GNB1: variants seen among roughly 807,000 people sequenced by gnomAD.
GNB1 encodes G protein subunit beta 1, also known as guanine nucleotide-binding protein G(I)/G(S)/G(T) subunit beta-1.
In GNB1, 2 loss-of-function variants were observed where a neutral mutation model predicts 42.9. The observed-to-expected ratio is 0.05, with a 90% CI of 0.02 to 0.15. The LOEUF (loss-of-function observed/expected upper bound fraction) is 0.15. GNB1 is among the 10% of genes least tolerant of loss of function. The pLI, the probability that GNB1 is intolerant of heterozygous loss-of-function variation, is 1.00. For missense variants in GNB1, 193 were observed against 462.2 expected, an observed-to-expected ratio of 0.42 and a Z score of 5.34; for synonymous variants, 183 against 174.7, an observed-to-expected ratio of 1.05 and a Z score of -0.38.
chr1:1,829,409 TGATCAGTAC>T (rs1394264822), intron 2 of GNB1, among the ~76,000 whole-genome samples: 1 of 152,218 alleles, frequency 6.6e-6, no homozygotes, highest in Non-Finnish European at 1.5e-5. Context: ...ATAAACTCAA[TGATCAGTAC>T]CATCTTTTTG....
At chr1:1,856,101 C>A (rs1358846253) in intron 1 of GNB1, among the ~76,000 whole-genome samples, 2 of 152,236 alleles carry the variant, frequency 1.3e-5, no homozygotes, top group Non-Finnish European at 1.5e-5. Context: ...TAGCTCACTG[C>A]AGCCTCAAAT....
intron 1 of GNB1, among the ~76,000 whole-genome samples, chr1:1,851,506 G>A (rs1647982566): frequency 1.3e-5 from 2 of 151,024 alleles, no homozygotes; most frequent in South Asian, 4.2e-4. Context: ...GCTTGAACCT[G>A]GGATACCACT....
chr1:1,848,804 G>A (rs1156767272), intron 1 of GNB1, among the ~76,000 whole-genome samples: 1 of 152,186 alleles, frequency 6.6e-6, no homozygotes, highest in African/African-American at 2.4e-5. Context: ...TAAGGGTCAC[G>A]ATATTCCTTC....
chr1:1,826,610 G>A (rs904788054), intron 2 of GNB1, among the ~76,000 whole-genome samples: 15 of 152,068 alleles, frequency 9.9e-5, no homozygotes, highest in African/African-American at 3.6e-4. Context: ...CACACAGGGT[G>A]TGTCCAGCAG....
chr1:1,835,932 A>AG (rs1647142440), intron 2 of GNB1, among the ~76,000 whole-genome samples: 1 of 149,266 alleles, frequency 6.7e-6, no homozygotes, highest in South Asian at 2.1e-4. Flanking sequence ...GAAAAAAAAA[A>AG]AAAAAAAAAA....
At chr1:1,820,353 G>GT (rs1553196837) in intron 3 of GNB1, among the ~76,000 whole-genome samples, 5 of 82,106 alleles carry the variant, frequency 6.1e-5, no homozygotes, top group East Asian at 3.3e-4. Context: ...GCGAGACTCT[G>GT]TTTAAAAAAA....
chr1:1,831,972 G>T (rs191888214), intron 2 of GNB1, among the ~76,000 whole-genome samples: 1 of 148,698 alleles, frequency 6.7e-6, no homozygotes, highest in African/African-American at 2.5e-5. Flanking sequence ...TGAAGTGGGA[G>T]AATCCACTTG....
chr1:1,863,401 A>G lies in GNB1; in HGVS notation c.-95-24163T>C, dbSNP rs1276423398. On this transcript the variant is annotated intron_variant, in intron 1 of 11. Transcript: ENST00000378609. ...CCTCATCTCCCACAGAAACCTGACC[A>G]ATTCAGAAAAGCACTGCCGTCCCTT... Among the ~76,000 whole-genome samples, 3 of 152,218 alleles carry G rather than the reference A, an allele frequency of 2.0e-5. No individual in the cohort carries two copies. In the East Asian group the frequency reaches 5.8e-4, roughly 29 times the overall value.
intron 1 of GNB1, among the ~76,000 whole-genome samples, chr1:1,881,428 C>CT (rs70937201): frequency 0.39 from 58,590 of 149,310 alleles, 14,082 homozygotes; most frequent in Admixed American, 0.54. Context: ...TCATTTTTTT[C>CT]TTTTTTTTTG....
intron 1 of GNB1, among the ~76,000 whole-genome samples, chr1:1,847,824 T>TA (rs531768751): frequency 1.3e-4 from 20 of 152,198 alleles, no homozygotes; most frequent in African/African-American, 4.8e-4. Context: ...ATGTGGATCT[T>TA]AGAGAAATTC....
intron 2 of GNB1, among the ~76,000 whole-genome samples, chr1:1,827,370 T>C (rs1647013603): frequency 6.6e-6 from 1 of 152,186 alleles, no homozygotes; most frequent in Non-Finnish European, 1.5e-5. Flanking sequence ...TCAGAAAGAT[T>C]TCTGACCAAA....
At chr1:1,808,908 T>G (rs1248946785) in intron 5 of GNB1, among the ~76,000 whole-genome samples, 2 of 152,156 alleles carry the variant, frequency 1.3e-5, no homozygotes, top group East Asian at 3.9e-4. Context: ...CCTCCCAAAG[T>G]GTTGGGATTA....
At chr1:1,833,790 C>T (rs1235685802) in intron 2 of GNB1, among the ~76,000 whole-genome samples, 5 of 152,144 alleles carry the variant, frequency 3.3e-5, no homozygotes, top group Admixed American at 2.0e-4. Context: ...CACAACTGTT[C>T]TTGTTTGAGG....
chr1:1,855,768 G>T (rs530411789), intron 1 of GNB1, among the ~76,000 whole-genome samples: 1 of 152,328 alleles, frequency 6.6e-6, no homozygotes, highest in Admixed American at 6.5e-5. Flanking sequence ...TTCCAGTGAG[G>T]AAAGTACATC....
At chr1:1,819,481 A>G (rs1304520867) in intron 3 of GNB1, among the ~76,000 whole-genome samples, 4 of 151,830 alleles carry the variant, frequency 2.6e-5, no homozygotes, top group African/African-American at 7.3e-5. Flanking sequence ...TCAGCCTCCC[A>G]AAGTGCTGGG....
chr1:1,867,991 C>G (rs933613613), intron 1 of GNB1, among the ~76,000 whole-genome samples: 5 of 152,136 alleles, frequency 3.3e-5, no homozygotes, highest in African/African-American at 1.2e-4. Context: ...AACGTTCCCC[C>G]TTTTCTTTCT....
intron 1 of GNB1, among the ~76,000 whole-genome samples, chr1:1,872,356 C>T (rs1333872088): frequency 6.6e-6 from 1 of 152,170 alleles, no homozygotes; most frequent in Non-Finnish European, 1.5e-5. Context: ...TCAAGGAAAA[C>T]ATCCAAGCTC....
intron 3 of GNB1, among the ~76,000 whole-genome samples, chr1:1,824,359 G>C (rs1056879606): frequency 6.6e-6 from 1 of 152,058 alleles, no homozygotes; most frequent in Non-Finnish European, 1.5e-5. Flanking sequence ...TATGAGGCAA[G>C]AGAATTGCTT....
chr1:1,880,575 G>C (rs1649789195), intron 1 of GNB1, among the ~76,000 whole-genome samples: 1 of 151,512 alleles, frequency 6.6e-6, no homozygotes, highest in African/African-American at 2.4e-5. Context: ...GACAGAGAGA[G>C]ACTCCATCTC....
Sources: gnomAD v4.1 joint callset for allele counts (sites outside exome capture counted in the v4.1 genomes callset) on GRCh38, gnomAD v4.1.1 for gene constraint, MANE v1.5 for transcripts, NCBI Gene and HGNC (gene_info 2026-07-23, HGNC 2026-07-21) for gene names.